Variants in THSD4 observed in about 807,000 individuals in gnomAD.
THSD4 encodes thrombospondin type-1 domain-containing protein 4.
THSD4 carries 69 observed loss-of-function variants against 119.0 expected under a neutral mutation model. The ratio of observed to expected loss-of-function variants is 0.58; its 90% CI spans 0.48 to 0.71. The LOEUF (loss-of-function observed/expected upper bound fraction) is 0.71. THSD4 is among the 30% of genes least tolerant of loss of function. The probability of loss-of-function intolerance (pLI) is 0.00; values close to 1 mark genes in which losing one functional copy is unlikely to be tolerated. For synonymous variants in THSD4, 524 were observed against 540.4 expected, an observed-to-expected ratio of 0.97 and a Z score of 0.42; for missense variants, 1,393 against 1,391.1, an observed-to-expected ratio of 1.00 and a Z score of -0.02.
In THSD4 at chr15:71,625,739, C is replaced by T. The variant is rs145130042; in HGVS notation, c.1153-34791C>T. 3.0e-3 allele frequency among the ~76,000 whole-genome samples: 449 copies of T among 152,058 alleles called. 6 individuals are homozygous for T. Among genetic ancestry groups the T allele is most frequent in the African/African-American group, 9.9e-3 (412 of 41,576 alleles). Reference sequence around the variant, plus strand: ...CAGTAACTATATTCCAAGCACTGTGCTCAATGCTAGGAGTGCAGGATGAGG... The same window carrying T: ...CAGTAACTATATTCCAAGCACTGTGTTCAATGCTAGGAGTGCAGGATGAGG... On this transcript the variant is annotated intron_variant, in intron 7 of 17. Coordinates refer to ENST00000261862, the MANE Select transcript of THSD4 (RefSeq NM_024817.3).
intron 6 of THSD4, among the ~76,000 whole-genome samples, chr15:71,306,167 G>A (rs112574185): frequency 0.011 from 1,609 of 151,970 alleles, 11 homozygotes; most frequent in Middle Eastern, 0.017. Context: ...TCAGCCGGGC[G>A]TGGTGGTGGG....
At chr15:71,542,505 T>A (rs1458147443) in intron 7 of THSD4, among the ~76,000 whole-genome samples, 1 of 152,150 alleles carries the variant, frequency 6.6e-6, no homozygotes, top group Non-Finnish European at 1.5e-5. Flanking sequence ...ACGAATGTGA[T>A]AAGAAGGGCA....
At chr15:71,161,901 T>G (rs1433498714) in intron 3 of THSD4, among the ~76,000 whole-genome samples, 1 of 152,018 alleles carries the variant, frequency 6.6e-6, no homozygotes, top group African/African-American at 2.4e-5. Flanking sequence ...TATTTGTGTA[T>G]CTGTTGTAAT....
intron 6 of THSD4, among the ~76,000 whole-genome samples, chr15:71,300,348 C>A (rs8038257): frequency 0.56 from 84,337 of 151,734 alleles, 23,822 homozygotes; most frequent in East Asian, 0.72. Flanking sequence ...AGAGGACTTG[C>A]AACCATTTAC....
chr15:71,588,042 C>T (rs1306013362), intron 7 of THSD4, among the ~76,000 whole-genome samples: 1 of 151,920 alleles, frequency 6.6e-6, no homozygotes, highest in Non-Finnish European at 1.5e-5. Context: ...CGCGGTGGCT[C>T]ACGCCTGTAA....
At chr15:71,104,328 C>T (rs1305006081) in intron 1 of THSD4, among the ~76,000 whole-genome samples, 2 of 151,776 alleles carry the variant, frequency 1.3e-5, no homozygotes, top group African/African-American at 4.8e-5. Flanking sequence ...TCTTCGCTCA[C>T]ACAATACTTC....
intron 8 of THSD4, among the ~76,000 whole-genome samples, chr15:71,694,952 A>C (rs565206725): frequency 2.0e-5 from 3 of 152,306 alleles, no homozygotes; most frequent in Non-Finnish European, 1.5e-5. Context: ...CCGAGGAACC[A>C]GCAGTGCATG....
intron 8 of THSD4, among the ~76,000 whole-genome samples, chr15:71,674,638 A>C (rs1396412080): frequency 6.6e-6 from 1 of 152,108 alleles, no homozygotes; most frequent in Non-Finnish European, 1.5e-5. Context: ...AGGTGATTGC[A>C]ATGTCCTTTC....
upstream of THSD4, among the ~76,000 whole-genome samples, chr15:71,114,038 C>A (rs1436543003): frequency 6.6e-6 from 1 of 152,052 alleles, no homozygotes; most frequent in Non-Finnish European, 1.5e-5. Context: ...AATCTAATCC[C>A]ATTTACACCA....
intron 6 of THSD4, among the ~76,000 whole-genome samples, chr15:71,325,514 G>A (rs865808882): frequency 2.0e-5 from 3 of 152,194 alleles, no homozygotes; most frequent in Non-Finnish European, 4.4e-5. Context: ...AAGGAACCTG[G>A]ATACCAGAAA....
intron 6 of THSD4, among the ~76,000 whole-genome samples, chr15:71,335,635 T>G (rs1400005085): frequency 2.0e-5 from 3 of 152,106 alleles, no homozygotes; most frequent in African/African-American, 7.2e-5. Context: ...CATCTCTAAC[T>G]AAATGAACTT....
intron 7 of THSD4, among the ~76,000 whole-genome samples, chr15:71,650,937 C>T (rs918577207): frequency 5.9e-5 from 9 of 152,134 alleles, no homozygotes; most frequent in African/African-American, 1.9e-4. Context: ...ATAAAATATA[C>T]TTTAGAAGGA....
At chr15:71,680,715 C>A (rs181540231) in intron 8 of THSD4, among the ~76,000 whole-genome samples, 1 of 152,166 alleles carries the variant, frequency 6.6e-6, no homozygotes, top group African/African-American at 2.4e-5. Flanking sequence ...CTCTCAGCCA[C>A]GCAGCTTTCT....
At chr15:71,753,615 C>T (rs575476097) in intron 14 of THSD4, among the ~76,000 whole-genome samples, 2 of 152,334 alleles carry the variant, frequency 1.3e-5, no homozygotes, top group East Asian at 1.9e-4. Context: ...GAGTCATGTC[C>T]TCTTCTGACT....
intron 6 of THSD4, among the ~76,000 whole-genome samples, chr15:71,327,353 G>A (rs539032325): frequency 1.3e-5 from 2 of 152,154 alleles, no homozygotes; most frequent in South Asian, 4.2e-4. Flanking sequence ...AACCTTAGCC[G>A]CCTTCCACCA....
intron 15 of THSD4, among the ~76,000 whole-genome samples, chr15:71,762,987 C>T (rs2053650899): frequency 6.6e-6 from 1 of 152,090 alleles, no homozygotes. Context: ...AGGAGAATTG[C>T]TTGAACCTGG....
intron 1 of THSD4, among the ~76,000 whole-genome samples, chr15:71,132,688 G>A (rs1196602525): frequency 6.6e-6 from 1 of 152,140 alleles, no homozygotes; most frequent in Non-Finnish European, 1.5e-5. Flanking sequence ...ACCTCATTGG[G>A]TGTGTTCCAC....
At chr15:71,434,437 T>TA (rs2046982344) in intron 7 of THSD4, among the ~76,000 whole-genome samples, 1 of 79,748 alleles carries the variant, frequency 1.3e-5, no homozygotes, top group Admixed American at 1.4e-4. Flanking sequence ...GTGGTCCCTT[T>TA]TTTTTTTTTT....
intron 7 of THSD4, among the ~76,000 whole-genome samples, chr15:71,526,090 G>A (rs1178210203): frequency 1.3e-5 from 2 of 152,164 alleles, no homozygotes; most frequent in Non-Finnish European, 2.9e-5. Flanking sequence ...CATTGTAAAT[G>A]GCTGAATTTT....
Sources: allele counts gnomAD v4.1 joint callset (sites outside exome capture counted in the v4.1 genomes callset), GRCh38; gene constraint gnomAD v4.1.1; transcripts MANE v1.5; gene names NCBI Gene and HGNC (gene_info 2026-07-23, HGNC 2026-07-21).